TSEN34: variants seen among roughly 807,000 people sequenced by gnomAD.
The protein encoded by TSEN34 is tRNA splicing endonuclease subunit 34, also known as tRNA-splicing endonuclease subunit Sen34.
Under a neutral mutation model 30.2 loss-of-function variants are expected in TSEN34, and 25 were observed. The observed-to-expected ratio is 0.83, with a 90% CI of 0.60 to 1.16. The LOEUF is 1.16. Ranked by LOEUF, TSEN34 falls within the 50% of genes most tolerant of loss-of-function variation. TSEN34 has a pLI of 0.00. For missense variants in TSEN34, 475 were observed against 411.9 expected (o/e 1.15, Z -1.33); for synonymous variants, 209 against 177.4 (o/e 1.18, Z -1.41).
At chr19:54,190,928 C>T (rs1343752536), upstream of TSEN34, 1 of 1,054,566 alleles carries the variant, frequency 9.5e-7, no homozygotes, top group Non-Finnish European at 1.1e-6. Context: ...GACGGGAACA[C>T]CCGAAGGGGG....
At chr19:54,189,588 G>C (rs1413072577), upstream of TSEN34, 2 of 152,654 alleles carry the variant, frequency 1.3e-5, no homozygotes, top group Admixed American at 1.3e-4. Context: ...ACTGGGATCC[G>C]AGCTCCGAGT....
At chr19:54,191,053 C>A, upstream of TSEN34, 1 of 1,256,284 alleles carries the variant, frequency 8.0e-7, no homozygotes, top group Non-Finnish European at 1.0e-6. Context: ...TACGGCAGTG[C>A]GGGCACAGAG....
upstream of TSEN34, chr19:54,191,106 G>A: frequency 7.5e-7 from 1 of 1,338,802 alleles, no homozygotes; most frequent in East Asian, 3.1e-5. Context: ...CGGGACCCTG[G>A]GGGCTTGGCG....
chr19:54,193,089 T>A, intron 3 of TSEN34, 86 bp from the exon 4 acceptor site: 1 of 1,603,610 alleles, frequency 6.2e-7, no homozygotes, highest in Non-Finnish European at 8.5e-7. Flanking sequence ...GCTGAAATGA[T>A]CTCAGATCTC....
Position 54,192,238 on chromosome 19 carries a change from G to C in TSEN34, c.610G>C (p.Val204Leu). The C allele has an allele frequency of 6.2e-7, 1 of 1,614,026 alleles. No individual in the cohort carries two copies. Among genetic ancestry groups the C allele is most frequent in the Non-Finnish European group, 8.5e-7 (1 of 1,179,954 alleles). Reference protein sequence around the residue: ...PVKARPLDWRVQSKDWPHAGR... With the variant: ...PVKARPLDWRLQSKDWPHAGR... ...CAAGGCCAGGCCCCTGGACTGGCGT[G>C]TCCAGTCTAAAGACTGGCCCCACGC... Residue 204 changes from valine to leucine, a missense_variant, in exon 3 of 4, where the codon GTC becomes CTC. Val to Leu is a conservative substitution (Grantham distance 32, BLOSUM62 1). Transcript: ENST00000396388.
chr19:54,193,815 TC>T lies in TSEN34; in HGVS notation c.*454del. On this transcript the variant is annotated 3_prime_UTR_variant, in exon 4 of 4. Transcript: ENST00000396388. Reference sequence around the variant, plus strand: ...GGCCTGGCCTTTCAAAATTGGTTTTTCTGACTCCTAAATCTGCACTCTTTCT... The same window carrying T: ...GGCCTGGCCTTTCAAAATTGGTTTTTTGACTCCTAAATCTGCACTCTTTCT... 1.6e-6 allele frequency: 1 copy of T among 630,186 alleles called. No individual in the cohort carries two copies. The allele number at this position is 630,186 out of a possible 1,614,324, so 39.0% of individuals were successfully genotyped here.
intron 3 of TSEN34, 49 bp downstream of exon 3, chr19:54,192,422 C>T (rs1268556872): frequency 2.5e-6 from 4 of 1,603,770 alleles, no homozygotes; most frequent in Non-Finnish European, 3.4e-6. Context: ...CATACGATCC[C>T]AATGTATTCT....
In TSEN34 at chr19:54,192,191, C is replaced by T. The variant is rs1307850004; in HGVS notation, c.563C>T (p.Ala188Val). The part of the protein sequence containing the change: ...LPRSALLVQL[A>V]TARPRPVKAR... Reference sequence around the variant, plus strand: ...AGATCTGCTCTCCTTGTCCAGCTGGCCACTGCCAGGCCTCGACCGGTCAAG... The same window carrying T: ...AGATCTGCTCTCCTTGTCCAGCTGGTCACTGCCAGGCCTCGACCGGTCAAG... Residue 188 changes from alanine to valine, a missense_variant, in exon 3 of 4, where the codon GCC (alanine) becomes GTC (valine). Transcript: ENST00000396388. The T allele has an allele frequency of 3.1e-6, 5 of 1,614,082 alleles. No individual in the cohort carries two copies. Among genetic ancestry groups the T allele is most frequent in the Non-Finnish European group, 4.2e-6 (5 of 1,180,022 alleles).
chr19:54,190,282 A>C, upstream of TSEN34: 1 of 1,293,472 alleles, frequency 7.7e-7, no homozygotes, highest in Admixed American at 2.0e-5. Flanking sequence ...GAAGTTGACG[A>C]GGGTGTCGGC....
chr19:54,190,666 G>A, upstream of TSEN34: 1 of 1,253,804 alleles, frequency 8.0e-7, no homozygotes, highest in South Asian at 3.0e-5. Flanking sequence ...CGGCCGAGCC[G>A]AGAACACCCG....
At chr19:54,190,895 A>T, upstream of TSEN34, 3 of 1,042,428 alleles carry the variant, frequency 2.9e-6, no homozygotes, top group Non-Finnish European at 3.5e-6. Context: ...GCGGTGCCTT[A>T]GCCTCCAGAG....
Position 54,192,517 on chromosome 19 carries a change from A to G in TSEN34, c.745+144A>G, listed in dbSNP as rs78910123. On this transcript the variant is annotated intron_variant, in intron 3 of 3. Coordinates refer to ENST00000396388, the MANE Select transcript of TSEN34 (RefSeq NM_001077446.4). Reference sequence around the variant, plus strand: ...TGGTCCCTATTCCTGGGCTCAAGCAATCCTTCCACCTCGGCCCCCCAAAGT... The same window carrying G: ...TGGTCCCTATTCCTGGGCTCAAGCAGTCCTTCCACCTCGGCCCCCCAAAGT... 34 of 1,149,492 alleles carry G rather than the reference A, an allele frequency of 3.0e-5. 1 individual carries two copies. In the East Asian group the frequency reaches 4.1e-4, roughly 14 times the overall value. 71.2% of individuals were successfully genotyped at this position (1,149,492 alleles called of 1,614,324 possible).
At position 54,193,907 on chromosome 19, in the gene TSEN34, A is replaced by G. The variant is rs975145094; in HGVS notation, c.*545A>G. The G allele has an allele frequency of 3.6e-6, 2 of 562,294 alleles. No individual in the cohort carries two copies. The highest frequency in any genetic ancestry group is 3.1e-6 in the Non-Finnish European group (1 of 318,208). 34.8% of individuals were successfully genotyped at this position (562,294 alleles called of 1,614,324 possible). ...TCCCAGATGCATACAAACGTTATAAATAAAAATATAGGCTGGGCACGATGA... is the reference window on the plus strand; with the variant it reads ...TCCCAGATGCATACAAACGTTATAAGTAAAAATATAGGCTGGGCACGATGA... On this transcript the variant is annotated 3_prime_UTR_variant, in exon 4 of 4. Coordinates refer to ENST00000396388, the MANE Select transcript of TSEN34 (RefSeq NM_001077446.4).
At chr19:54,191,160 C>G (rs1267174871), upstream of TSEN34, 19 of 1,359,964 alleles carry the variant, frequency 1.4e-5, no homozygotes, top group Non-Finnish European at 1.7e-5. Context: ...TCGTCTCCGG[C>G]GGCCGCGAGG....
At chr19:54,190,988 C>A, upstream of TSEN34, 2 of 1,107,400 alleles carry the variant, frequency 1.8e-6, no homozygotes, top group Non-Finnish European at 1.1e-6. Context: ...TGTAAGGGGG[C>A]GTGTCGCCGC....
rs765357797 is a variant in TSEN34 at position 54,191,799 on chromosome 19, C to T, written c.322C>T (p.Arg108Cys). 9 of 1,614,184 alleles carry T rather than the reference C, an allele frequency of 5.6e-6. No homozygotes were observed. Among genetic ancestry groups the T allele is most frequent in the Admixed American group, 5.0e-5 (3 of 60,028 alleles). ...SALAAEARET[R>C]RQELLEKITE... ...CTTGGCAGCTGAGGCCCGGGAGACCCGTCGTCAGGAGCTCCTGGAGAAGAT... is the reference window on the plus strand; with the variant it reads ...CTTGGCAGCTGAGGCCCGGGAGACCTGTCGTCAGGAGCTCCTGGAGAAGAT... The change falls in exon 2 of 4, where the codon CGT becomes TGT. Residue 108 changes from arginine to cysteine, a missense_variant. Transcript: ENST00000396388.
rs1322049332 is a variant in TSEN34, at chr19:54,193,238, C to T, written c.809C>T (p.Pro270Leu). 2 of 1,614,000 alleles carry T rather than the reference C, an allele frequency of 1.2e-6. No homozygotes were observed. The highest frequency in any genetic ancestry group is 1.7e-6 in the Non-Finnish European group (2 of 1,180,024). The change falls in exon 4 of 4, where the codon CCA becomes CTA. Residue 270 changes from proline to leucine, a missense_variant. Pro to Leu is a moderately conservative substitution (Grantham distance 98). Transcript: ENST00000396388. Reference sequence around the variant, plus strand: ...TGCTGGGCCCCTGAGGACACCATCCCACTCCAAGACCTGGTTGCTGCTGGG... The same window carrying T: ...TGCTGGGCCCCTGAGGACACCATCCTACTCCAAGACCTGGTTGCTGCTGGG... Reference protein sequence around the residue: ...AQCWAPEDTIPLQDLVAAGRL... With the variant: ...AQCWAPEDTILLQDLVAAGRL...
chr19:54,194,121 G>A lies in TSEN34; in HGVS notation c.*759G>A. The A allele has an allele frequency of 5.9e-6, 1 of 170,748 alleles. No homozygotes were observed. The highest frequency in any genetic ancestry group is 3.0e-3 in the Middle Eastern group (1 of 328). The allele number at this position is 170,748 out of a possible 1,614,324, so 10.6% of individuals were successfully genotyped here. On this transcript the variant is annotated 3_prime_UTR_variant, in exon 4 of 4. Coordinates refer to ENST00000396388, the MANE Select transcript of TSEN34 (RefSeq NM_001077446.4). ...TGCTGTGAGCTGTGATTGCACCACT[G>A]CCCTCCAGCCTGGGAGACAGAGCAA... is the stretch of plus-strand genomic sequence containing the variant.
rs371715548 is a variant in TSEN34 at position 54,192,213 on chromosome 19, C to G, written c.585C>G (p.Val195=). Residue 195 remains valine, a synonymous_variant, in exon 3 of 4, where the codon GTC becomes GTG. Transcript: ENST00000396388. ...TGGCCACTGCCAGGCCTCGACCGGT[C>G]AAGGCCAGGCCCCTGGACTGGCGTG... ...VQLATARPRP[V]KARPLDWRVQ... is the part of the protein sequence containing the mutation. 1.2e-5 allele frequency: 20 copies of G among 1,614,058 alleles called. No homozygotes were observed. In the African/African-American group the frequency reaches 2.4e-4, roughly 19 times the overall value.
Sources: gnomAD v4.1 joint callset for allele counts on GRCh38, gnomAD v4.1.1 for gene constraint, MANE v1.5 for transcripts, NCBI Gene and HGNC (gene_info 2026-07-23, HGNC 2026-07-21) for gene names.